The following NDUFS4 variants were observed in gnomAD, a reference collection of about 807,000 sequenced individuals.
NDUFS4 encodes the protein NADH dehydrogenase [ubiquinone] iron-sulfur protein 4, mitochondrial.
In NDUFS4, 28 loss-of-function variants were observed where a neutral mutation model predicts 24.3. That is an observed-to-expected ratio of 1.15 (90% CI 0.85 to 1.58). The LOEUF is 1.58. NDUFS4 is among the 40% of genes most tolerant of loss of function. The pLI, the probability that NDUFS4 is intolerant of heterozygous loss-of-function variation, is 0.00. For missense variants in NDUFS4, 223 were observed against 207.9 expected (o/e 1.07, Z -0.45); for synonymous variants, 93 against 69.7 (o/e 1.34, Z -1.67).
chr5:53,651,872 A>C (rs371950334), intron 3 of NDUFS4, among the ~76,000 whole-genome samples: 18 of 149,670 alleles, frequency 1.2e-4, no homozygotes, highest in Admixed American at 8.1e-4. Flanking sequence ...TCCCGGGTTC[A>C]TGCCATTCTT....
intron 3 of NDUFS4, among the ~76,000 whole-genome samples, chr5:53,653,228 T>C (rs578001637): frequency 5.8e-4 from 89 of 152,304 alleles, no homozygotes; most frequent in African/African-American, 2.1e-3. Flanking sequence ...TCCATGTCAT[T>C]GTGGACATAG....
intron 4 of NDUFS4, among the ~76,000 whole-genome samples, chr5:53,659,274 C>T (rs1368331313): frequency 6.6e-6 from 1 of 152,076 alleles, no homozygotes; most frequent in African/African-American, 2.4e-5. Flanking sequence ...CTTCCTTTTT[C>T]CTTATTTTCT....
At chr5:53,584,345 G>A (rs256112) in intron 1 of NDUFS4, among the ~76,000 whole-genome samples, 119,471 of 152,112 alleles carry the variant, frequency 0.79, 47,051 homozygotes, top group African/African-American at 0.84. Flanking sequence ...TATGGTTGAC[G>A]GAGTTCAACT....
At chr5:53,562,192 CG>C (rs1334743168) in intron 1 of NDUFS4, among the ~76,000 whole-genome samples, 1 of 151,816 alleles carries the variant, frequency 6.6e-6, no homozygotes, top group Non-Finnish European at 1.5e-5. Context: ...TTAGTAGAGG[CG>C]GGGTTTCACC....
intron 3 of NDUFS4, among the ~76,000 whole-genome samples, chr5:53,655,282 A>C (rs937899547): frequency 1.3e-5 from 2 of 151,738 alleles, no homozygotes; most frequent in East Asian, 1.9e-4. Flanking sequence ...AGAAGTTCCC[A>C]TTTCATCCCA....
At chr5:53,665,676 AG>A (rs1752491639) in intron 4 of NDUFS4, among the ~76,000 whole-genome samples, 1 of 152,212 alleles carries the variant, frequency 6.6e-6, no homozygotes, top group South Asian at 2.1e-4. Flanking sequence ...CCGTTGGAAA[AG>A]CACAGTATTA....
intron 1 of NDUFS4, among the ~76,000 whole-genome samples, chr5:53,572,962 TTTTTTTTG>T (rs1186399569): frequency 1.7e-4 from 16 of 93,824 alleles, no homozygotes; most frequent in African/African-American, 8.7e-4. Context: ...TTTTTGTTTT[TTTTTTTTG>T]TTTTTTTTTT....
chr5:53,585,881 TTTTTC>T (rs1256309056), intron 1 of NDUFS4, among the ~76,000 whole-genome samples: 42 of 152,268 alleles, frequency 2.8e-4, no homozygotes, highest in African/African-American at 9.4e-4. Context: ...AGTTGATAGT[TTTTTC>T]TTTTGTTTTG....
At chr5:53,609,806 T>C (rs1004600042) in intron 2 of NDUFS4, among the ~76,000 whole-genome samples, 7 of 57,018 alleles carry the variant, frequency 1.2e-4, no homozygotes, top group Non-Finnish European at 1.8e-4. Context: ...ATTATATAGA[T>C]GGCTTCCTCC....
chr5:53,599,924 A>G (rs1190263318), intron 1 of NDUFS4, among the ~76,000 whole-genome samples: 2 of 152,028 alleles, frequency 1.3e-5, no homozygotes, highest in African/African-American at 4.8e-5. Context: ...ACAGATATTT[A>G]CTGTATAATT....
chr5:53,610,250 G>C (rs1750653730), intron 2 of NDUFS4, among the ~76,000 whole-genome samples: 1 of 152,134 alleles, frequency 6.6e-6, no homozygotes, highest in Admixed American at 6.5e-5. Context: ...AGTGAATAGA[G>C]AGGCCCAAGG....
intron 2 of NDUFS4, among the ~76,000 whole-genome samples, chr5:53,607,094 A>G (rs1386139768): frequency 1.3e-5 from 2 of 152,210 alleles, no homozygotes; most frequent in African/African-American, 4.8e-5. Context: ...TGGAGGCCTG[A>G]CTGTAGATCA....
intron 4 of NDUFS4, among the ~76,000 whole-genome samples, chr5:53,667,064 CTTAT>C (rs939306206): frequency 6.6e-6 from 1 of 152,172 alleles, no homozygotes; most frequent in African/African-American, 2.4e-5. Flanking sequence ...TATGATCTGC[CTTAT>C]TTATTTAACA....
At chr5:53,626,493 A>G (rs540331886) in intron 2 of NDUFS4, among the ~76,000 whole-genome samples, 1 of 152,238 alleles carries the variant, frequency 6.6e-6, no homozygotes, top group Non-Finnish European at 1.5e-5. Flanking sequence ...TTACACTTCC[A>G]CCAACAATGT....
chr5:53,570,000 A>G (rs960183912), intron 1 of NDUFS4, among the ~76,000 whole-genome samples: 15 of 152,328 alleles, frequency 9.8e-5, no homozygotes, highest in Middle Eastern at 3.4e-3. Context: ...AAAATTATAA[A>G]GAAAAATTAA....
intron 1 of NDUFS4, among the ~76,000 whole-genome samples, chr5:53,587,198 C>G (rs779541999): frequency 2.6e-5 from 4 of 152,070 alleles, no homozygotes; most frequent in Non-Finnish European, 5.9e-5. Flanking sequence ...CTGCTTACCC[C>G]ACTCCCAAAA....
At chr5:53,577,731 T>A (rs1749430553) in intron 1 of NDUFS4, among the ~76,000 whole-genome samples, 1 of 152,150 alleles carries the variant, frequency 6.6e-6, no homozygotes, top group South Asian at 2.1e-4. Flanking sequence ...ATTGAGGTCT[T>A]CCAACTCACT....
chr5:53,663,183 A>G (rs889824469), intron 4 of NDUFS4, among the ~76,000 whole-genome samples: 9 of 151,986 alleles, frequency 5.9e-5, no homozygotes, highest in African/African-American at 2.2e-4. Context: ...GTGGTCTTAG[A>G]GACAGTTTGT....
intron 4 of NDUFS4, among the ~76,000 whole-genome samples, chr5:53,676,588 A>G (rs1470217796): frequency 1.3e-5 from 2 of 152,204 alleles, no homozygotes; most frequent in East Asian, 1.9e-4. Flanking sequence ...TTTGGGGACC[A>G]TTTTAAACAG....
Sources: gnomAD v4.1 joint callset for allele counts (sites outside exome capture counted in the v4.1 genomes callset) on GRCh38, gnomAD v4.1.1 for gene constraint, MANE v1.5 for transcripts, NCBI Gene and HGNC (gene_info 2026-07-23, HGNC 2026-07-21) for gene names.